Variants in ARHGAP32 observed in about 807,000 individuals in gnomAD.
ARHGAP32 encodes the protein rho GTPase-activating protein 32.
A neutral mutation model predicts 186.5 loss-of-function variants in ARHGAP32; 51 were observed. The observed-to-expected ratio is 0.27, with a 90% CI of 0.22 to 0.35. ARHGAP32 has a LOEUF of 0.35. Ranked by LOEUF, ARHGAP32 falls within the 10% of genes least tolerant of loss-of-function variation. The pLI, the probability that ARHGAP32 is intolerant of heterozygous loss-of-function variation, is 1.00. For synonymous variants in ARHGAP32, 950 were observed against 964.3 expected (o/e 0.99, Z 0.27); for missense variants, 2,186 against 2,623.5 (o/e 0.83, Z 3.64).
rs1321875378 is a variant in ARHGAP32, at chr11:128,965,865, T to A, written c.*3042A>T. 1 of 152,162 alleles carries A rather than the reference T, an allele frequency of 6.6e-6. No homozygotes were observed. The highest frequency in any genetic ancestry group is 1.5e-5 in the Non-Finnish European group (1 of 68,028). 9.4% of individuals were successfully genotyped at this position (152,162 alleles called of 1,614,324 possible). On this transcript the variant is annotated 3_prime_UTR_variant, in exon 23 of 23. Coordinates refer to ENST00000682385, the MANE Select transcript of ARHGAP32 (RefSeq NM_001378024.1). ...CCAAATGTGGTAACCTACTCCTCCGTCCCCACTCACGTTAGTTAACAGTCC... is the reference window on the plus strand; with the variant it reads ...CCAAATGTGGTAACCTACTCCTCCGACCCCACTCACGTTAGTTAACAGTCC...
intron 2 of ARHGAP32, among the ~76,000 whole-genome samples, chr11:129,141,083 A>G (rs1441417694): frequency 6.6e-6 from 1 of 152,206 alleles, no homozygotes; most frequent in Non-Finnish European, 1.5e-5. Context: ...CTTAATAATC[A>G]GGTAGAATGC....
chr11:129,001,996 G>A (rs1042270415), intron 11 of ARHGAP32, among the ~76,000 whole-genome samples: 12 of 152,046 alleles, frequency 7.9e-5, no homozygotes, highest in African/African-American at 2.9e-4. Context: ...ATGCTGTTTT[G>A]GTTATTGTAA....
chr11:129,137,564 T>A (rs1394007918), intron 2 of ARHGAP32, among the ~76,000 whole-genome samples: 1 of 150,804 alleles, frequency 6.6e-6, no homozygotes, highest in Non-Finnish European at 1.5e-5. Context: ...GGAAACAAAC[T>A]GTTTGGGAAT....
rs1945308008 is a variant in ARHGAP32, at chr11:128,969,801, GATGACATAGATCCC to G, written c.5398_5411del (p.Gly1800ProfsTer4). ...CAGGATCTGATTTACTACGCAGATG[GATGACATAGATCCC>G]ACCCAAGTCGTCCTGCACCGCCGGG... On this transcript the variant is annotated frameshift_variant, in exon 23 of 23. Transcript: ENST00000682385. LOFTEE classifies it high-confidence loss of function. This position sits in a 1 kb window ranked among gnomAD's most constrained non-coding sequence, Gnocchi z 4.8. 6.2e-7 allele frequency: 1 copy of G among 1,614,188 alleles called. No individual in the cohort carries two copies. Among genetic ancestry groups the G allele is most frequent in the Non-Finnish European group, 8.5e-7 (1 of 1,180,022 alleles).
chr11:129,019,585 C>G (rs1938507102), intron 11 of ARHGAP32, among the ~76,000 whole-genome samples: 2 of 152,060 alleles, frequency 1.3e-5, no homozygotes, highest in African/African-American at 4.8e-5. Context: ...TTCCTTTCCT[C>G]TCTTCTATAT....
At chr11:129,167,765 G>C (rs564367048) in intron 1 of ARHGAP32, among the ~76,000 whole-genome samples, 3 of 152,208 alleles carry the variant, frequency 2.0e-5, no homozygotes, top group Admixed American at 2.0e-4. Flanking sequence ...TCAGGTGAGG[G>C]ATTTCTTTCT....
At position 128,978,817 on chromosome 11, in the gene ARHGAP32, T is replaced by C. The variant is rs760212826; in HGVS notation, c.2075A>G (p.Gln692Arg). The change falls in exon 19 of 23, where the codon CAG becomes CGG. Residue 692 changes from glutamine to arginine, a missense_variant. Physicochemically the swap from Gln to Arg is conservative, Grantham distance 43. Around this residue, in one of 5 missense-constraint regions of ARHGAP32, gnomAD observed 263 missense variants for 323.5 expected, o/e 0.81. Transcript: ENST00000682385. ...CTCTGAAGGCTCACTCTCATTCCGC[T>C]GCAGCTTTCGTTTAGAAACAGATGA... ...KSSSVSKRKL[Q>R]RNESEPSEMK... is the part of the protein sequence containing the mutation. 4 of 1,613,378 alleles carry C rather than the reference T, an allele frequency of 2.5e-6. No individual in the cohort carries two copies. Among genetic ancestry groups the C allele is most frequent in the Admixed American group, 3.3e-5 (2 of 59,902 alleles).
At chr11:129,163,683 T>G (rs1943575049) in intron 2 of ARHGAP32, among the ~76,000 whole-genome samples, 1 of 152,158 alleles carries the variant, frequency 6.6e-6, no homozygotes, top group South Asian at 2.1e-4. Context: ...CAGATTCTCT[T>G]TACTTCTTTT....
At chr11:129,222,831 T>C (rs765148787) in intron 1 of ARHGAP32, among the ~76,000 whole-genome samples, 2 of 152,200 alleles carry the variant, frequency 1.3e-5, no homozygotes, top group Non-Finnish European at 2.9e-5. Flanking sequence ...CTTACTAAAA[T>C]GCAGATTCTG....
chr11:129,174,361 G>A (rs964514622), intron 1 of ARHGAP32, among the ~76,000 whole-genome samples: 8 of 152,238 alleles, frequency 5.3e-5, no homozygotes, highest in Admixed American at 1.3e-4. Context: ...AGCAAGGCTC[G>A]GGGAGGGGCG....
At chr11:129,197,373 C>A (rs1944406049) in intron 1 of ARHGAP32, among the ~76,000 whole-genome samples, 1 of 152,122 alleles carries the variant, frequency 6.6e-6, no homozygotes, top group Admixed American at 6.6e-5. Context: ...GCAGTAGAAC[C>A]AAGATCTTGA....
upstream of ARHGAP32, among the ~76,000 whole-genome samples, chr11:129,192,356 G>A (rs1480490841): frequency 6.6e-6 from 1 of 152,152 alleles, no homozygotes; most frequent in East Asian, 1.9e-4. Flanking sequence ...GGTACAGACA[G>A]GAAATCACAG....
intron 2 of ARHGAP32, among the ~76,000 whole-genome samples, chr11:129,141,765 G>A (rs1338613465): frequency 6.7e-6 from 1 of 149,312 alleles, no homozygotes; most frequent in Non-Finnish European, 1.5e-5. Flanking sequence ...TCACCACCAT[G>A]GGAAATAGGA....
chr11:129,277,898 G>A (rs1945552078), intron 1 of ARHGAP32, among the ~76,000 whole-genome samples: 1 of 152,164 alleles, frequency 6.6e-6, no homozygotes, highest in South Asian at 2.1e-4. Flanking sequence ...CAAGTCCAAG[G>A]AACAAATATC....
At chr11:129,231,079 A>G (rs1944853164) in intron 1 of ARHGAP32, among the ~76,000 whole-genome samples, 1 of 152,296 alleles carries the variant, frequency 6.6e-6, no homozygotes, top group Admixed American at 6.5e-5. Flanking sequence ...GGCTGCTGTG[A>G]GCCCAGACCA....
rs750685288 is a variant in ARHGAP32 at position 128,973,122 on chromosome 11, T to C, written c.3384A>G (p.Pro1128=). 1.8e-5 allele frequency: 29 copies of C among 1,614,220 alleles called. No individual in the cohort carries two copies. Among genetic ancestry groups the C allele is most frequent in the Middle Eastern group, 1.6e-4 (1 of 6,062 alleles). ...CTGGTAGAGGATGGTCACAGTTTCC[T>C]GGTGCATTATTCTGGAGGTGGAACT... ...AEQFHLQNNA[P]GNCDHPLPET... is the part of the protein sequence containing the mutation. The change falls in exon 22 of 23, where the codon CCA becomes CCG. Residue 1128 remains proline (P), a synonymous_variant. Coordinates refer to ENST00000682385, the MANE Select transcript of ARHGAP32 (RefSeq NM_001378024.1).
intron 1 of ARHGAP32, among the ~76,000 whole-genome samples, chr11:129,166,123 G>A (rs1296364745): frequency 6.6e-6 from 1 of 151,724 alleles, no homozygotes; most frequent in African/African-American, 2.4e-5. Context: ...ACATTTAGTA[G>A]AACAATAAAC....
rs775103279 is a variant in ARHGAP32, at chr11:128,974,685, A to G, written c.2512T>C (p.Tyr838His). The G allele has an allele frequency of 6.2e-7, 1 of 1,614,184 alleles. No homozygotes were observed. Among genetic ancestry groups the G allele is most frequent in the Admixed American group, 1.7e-5 (1 of 60,028 alleles). Residue 838 changes from tyrosine to histidine, a missense_variant, in exon 21 of 23, where the codon TAC becomes CAC. Physicochemically the swap from Tyr to His is moderately conservative, Grantham distance 83 (BLOSUM62 2). This residue lies in a region of ARHGAP32 where 263 missense variants were observed against 323.5 expected (regional missense o/e 0.81). Transcript: ENST00000682385. ...TTGGCACTTGGTTTATCCTTGGAGT[A>G]TCCTGGTGAATCTAAAAAGGAAGCA... Reference protein sequence around the residue: ...SGASFLDSPGYSKDKPSANKK... With the variant: ...SGASFLDSPGHSKDKPSANKK...
At chr11:128,995,637 G>T (rs985988585) in intron 12 of ARHGAP32, among the ~76,000 whole-genome samples, 1 of 152,206 alleles carries the variant, frequency 6.6e-6, no homozygotes, top group Non-Finnish European at 1.5e-5. Context: ...CCAGGAGTTC[G>T]AGATCAGCCT....
Sources: allele counts gnomAD v4.1 joint callset (sites outside exome capture counted in the v4.1 genomes callset), GRCh38; gene constraint gnomAD v4.1.1; regional missense constraint gnomAD v4.1.1; non-coding constraint Gnocchi (gnomAD v3.1); transcripts MANE v1.5; gene names NCBI Gene and HGNC (gene_info 2026-07-23, HGNC 2026-07-21).